The following CENPP variants were observed in gnomAD, a reference collection of about 807,000 sequenced individuals.
The protein encoded by CENPP is centromere protein P.
In CENPP, 24 loss-of-function variants were observed where a neutral mutation model predicts 35.6. That is an observed-to-expected ratio of 0.67 (90% confidence interval 0.49 to 0.95). The LOEUF (loss-of-function observed/expected upper bound fraction) is 0.95. Ranked by LOEUF, CENPP falls within the 40% of genes least tolerant of loss-of-function variation. The pLI is 0.00. For synonymous variants in CENPP, 120 were observed against 125.5 expected, an observed-to-expected ratio of 0.96 and a Z score of 0.29; for missense variants, 332 against 345.3, an observed-to-expected ratio of 0.96 and a Z score of 0.31.
intron 5 of CENPP, among the ~76,000 whole-genome samples, chr9:92,459,311 G>A (rs1845005500): frequency 1.3e-5 from 2 of 152,236 alleles, no homozygotes; most frequent in African/African-American, 4.8e-5. Flanking sequence ...ATGTCCTCCT[G>A]ACCAGTCCTG....
chr9:92,600,311 C>T lies in CENPP; in HGVS notation c.565-11003C>T, dbSNP rs916407121. On this transcript the variant is annotated intron_variant, in intron 5 of 7. Coordinates refer to ENST00000375587, the MANE Select transcript of CENPP (RefSeq NM_001012267.3). ...TGTCCATACAGGCCCATTATTCATGCTTGCATTTGCTGTTTGTTTATTAAA... is the reference window on the plus strand; with the variant it reads ...TGTCCATACAGGCCCATTATTCATGTTTGCATTTGCTGTTTGTTTATTAAA... 27 of 1,489,222 alleles carry T rather than the reference C, an allele frequency of 1.8e-5. No individual in the cohort carries two copies. The South Asian group carries it at 3.7e-4, about 20-fold the overall frequency. The allele number at this position is 1,489,222 out of a possible 1,614,324, so 92.3% of individuals were successfully genotyped here.
At chr9:92,599,425 G>C (rs1290300857) in intron 5 of CENPP, among the ~76,000 whole-genome samples, 1 of 151,952 alleles carries the variant, frequency 6.6e-6, no homozygotes. Context: ...TTTTGTTTTT[G>C]TTTTTGTTTG....
intron 5 of CENPP, among the ~76,000 whole-genome samples, chr9:92,545,185 C>T (rs2088054): frequency 0.18 from 26,808 of 152,188 alleles, 3,431 homozygotes; most frequent in East Asian, 0.66. Flanking sequence ...GCTGTGGGAG[C>T]TCCTTCCTGG....
chr9:92,532,027 T>TTTG (rs1848817869), intron 5 of CENPP, among the ~76,000 whole-genome samples: 1 of 128,806 alleles, frequency 7.8e-6, no homozygotes, highest in African/African-American at 3.5e-5. Flanking sequence ...TTTTTTTTTT[T>TTTG]TATTTTATTT....
chr9:92,489,914 G>A (rs1484409766), intron 5 of CENPP, among the ~76,000 whole-genome samples: 1 of 152,208 alleles, frequency 6.6e-6, no homozygotes. Context: ...CCTTTACAGA[G>A]CATGTGTGCA....
intron 5 of CENPP, among the ~76,000 whole-genome samples, chr9:92,580,650 C>A (rs1263821904): frequency 4.6e-5 from 7 of 152,116 alleles, no homozygotes; most frequent in Non-Finnish European, 1.0e-4. Flanking sequence ...GTGGTGATAT[C>A]CCCTTTATCA....
At chr9:92,570,784 A>G (rs920005884) in intron 5 of CENPP, among the ~76,000 whole-genome samples, 1 of 152,232 alleles carries the variant, frequency 6.6e-6, no homozygotes. Context: ...AAGAGATTCA[A>G]CTTCTTCCTG....
intron 4 of CENPP, among the ~76,000 whole-genome samples, chr9:92,369,604 A>G (rs1361249493): frequency 6.6e-6 from 1 of 152,220 alleles, no homozygotes; most frequent in African/African-American, 2.4e-5. Context: ...AATTCTTCAA[A>G]GCAATGAGCA....
At chr9:92,503,500 T>G (rs546743911) in intron 5 of CENPP, among the ~76,000 whole-genome samples, 1 of 152,344 alleles carries the variant, frequency 6.6e-6, no homozygotes, top group South Asian at 2.1e-4. Context: ...TAAAGTTAAT[T>G]AACAGCCTTA....
rs370842875 is a variant in CENPP at position 92,332,175 on chromosome 9, C to A, written c.113C>A (p.Ser38Tyr). The change falls in exon 2 of 8, where the codon TCT (serine) becomes TAT (tyrosine). Residue 38 changes from serine to tyrosine, a missense_variant. Coordinates refer to ENST00000375587, the MANE Select transcript of CENPP (RefSeq NM_001012267.3). ...TTTTGATATTTGCCTTTTAGAAAATCTTTTCAAGCCATACACCAATTCAAT... is the reference window on the plus strand; with the variant it reads ...TTTTGATATTTGCCTTTTAGAAAATATTTTCAAGCCATACACCAATTCAAT... ...PWEEKSRVQK[S>Y]FQAIHQFNLE... is the part of the protein sequence containing the mutation. 8.3e-6 allele frequency: 13 copies of A among 1,574,400 alleles called. No homozygotes were observed. In the African/African-American group the frequency reaches 1.5e-4, roughly 18 times the overall value.
intron 4 of CENPP, among the ~76,000 whole-genome samples, chr9:92,378,531 A>C (rs1842173608): frequency 6.6e-6 from 1 of 152,000 alleles, no homozygotes; most frequent in African/African-American, 2.4e-5. Context: ...TTCATTCCAC[A>C]TTTCAGAGTT....
At chr9:92,439,863 G>A (rs1454583112) in intron 5 of CENPP, among the ~76,000 whole-genome samples, 2 of 152,154 alleles carry the variant, frequency 1.3e-5, no homozygotes, top group South Asian at 4.1e-4. Context: ...GTATGGATAA[G>A]AGTGGTGAAT....
At chr9:92,551,496 C>T (rs1416792522) in intron 5 of CENPP, among the ~76,000 whole-genome samples, 1 of 152,038 alleles carries the variant, frequency 6.6e-6, no homozygotes, top group Admixed American at 6.6e-5. Context: ...TACCACCACA[C>T]CTGGCTAATT....
At chr9:92,597,894 A>T (rs1233344844) in intron 5 of CENPP, among the ~76,000 whole-genome samples, 2 of 152,232 alleles carry the variant, frequency 1.3e-5, no homozygotes, top group African/African-American at 2.4e-5. Context: ...ATTTGCCTTT[A>T]GAGTGATTGC....
At chr9:92,385,474 T>C (rs1219570019) in intron 5 of CENPP, 3 of 677,168 alleles carry the variant, frequency 4.4e-6, no homozygotes, top group Non-Finnish European at 7.2e-6. Context: ...ATATGTAAGA[T>C]TTTGAACATC....
At chr9:92,568,710 A>G (rs989835376) in intron 5 of CENPP, among the ~76,000 whole-genome samples, 7 of 152,176 alleles carry the variant, frequency 4.6e-5, no homozygotes, top group African/African-American at 1.7e-4. Context: ...AACAGTGTAA[A>G]AGTGTTCCTA....
At chr9:92,489,417 T>C (rs1846129229) in intron 5 of CENPP, among the ~76,000 whole-genome samples, 1 of 152,236 alleles carries the variant, frequency 6.6e-6, no homozygotes, top group Non-Finnish European at 1.5e-5. Flanking sequence ...GTGCAGACTG[T>C]CTTGCTATAC....
intron 5 of CENPP, among the ~76,000 whole-genome samples, chr9:92,546,701 T>A (rs530258727): frequency 6.6e-6 from 1 of 152,298 alleles, no homozygotes; most frequent in South Asian, 2.1e-4. Context: ...ATTCTTGAAG[T>A]CAGTGAGACC....
intron 5 of CENPP, among the ~76,000 whole-genome samples, chr9:92,441,893 G>T (rs536373106): frequency 6.6e-5 from 10 of 152,208 alleles, no homozygotes; most frequent in African/African-American, 2.4e-4. Flanking sequence ...ACATTTGCTG[G>T]GTTTGATGAT....
Sources: allele counts gnomAD v4.1 joint callset (sites outside exome capture counted in the v4.1 genomes callset), GRCh38; gene constraint gnomAD v4.1.1; transcripts MANE v1.5; gene names NCBI Gene and HGNC (gene_info 2026-07-23, HGNC 2026-07-21).